INTS14: variants seen among roughly 807,000 people sequenced by gnomAD.
INTS14 encodes UPF0464 protein C15orf44.
INTS14 carries 27 observed loss-of-function variants against 56.9 expected under a neutral mutation model. The ratio of observed to expected loss-of-function variants is 0.47; its 90% CI spans 0.35 to 0.65. The LOEUF is 0.65. Ranked by LOEUF, INTS14 falls within the 30% of genes least tolerant of loss-of-function variation. INTS14 has a pLI of 0.00. For missense variants in INTS14, 517 were observed against 632.2 expected, an observed-to-expected ratio of 0.82 and a Z score of 1.95; for synonymous variants, 207 against 236.2, an observed-to-expected ratio of 0.88 and a Z score of 1.13.
chr15:65,589,052 G>T (rs16948863), intron 9 of INTS14, among the ~76,000 whole-genome samples: 7,349 of 152,298 alleles, frequency 0.048, 607 homozygotes, highest in African/African-American at 0.17. Context: ...AAGAACAATT[G>T]TAACAAGCCA....
rs2141235045 is a variant in INTS14 at position 65,579,167 on chromosome 15, G to C, written c.*241C>G. ...TTCTCAGGAAATGTGCCCATCATGG[G>C]AACAGCAGCTATCTTCCAAGCTTAA... On this transcript the variant is annotated 3_prime_UTR_variant, in exon 12 of 12. Transcript: ENST00000313182. 1 of 494,530 alleles carries C rather than the reference G, an allele frequency of 2.0e-6. No homozygotes were observed. Among genetic ancestry groups the C allele is most frequent in the East Asian group, 3.6e-5 (1 of 27,430 alleles). 30.6% of individuals were successfully genotyped at this position (494,530 alleles called of 1,614,324 possible). A position where few individuals can be genotyped will look rare whatever the true frequency, so the allele number is the denominator to read the frequency against.
chr15:65,600,034 A>AGCCC, intron 3 of INTS14, 105 bp from the exon 4 acceptor site: 1 of 1,269,154 alleles, frequency 7.9e-7, no homozygotes. Flanking sequence ...AGGGCTGGCT[A>AGCCC]TGGTGGCTCA....
At chr15:65,589,691 TG>T (rs975146985) in intron 9 of INTS14, among the ~76,000 whole-genome samples, 4 of 152,206 alleles carry the variant, frequency 2.6e-5, no homozygotes, top group African/African-American at 9.7e-5. Context: ...TGTACTTCTA[TG>T]AGCTCATTTT....
At chr15:65,594,171 G>A (rs1477942175) in intron 7 of INTS14, among the ~76,000 whole-genome samples, 1 of 152,118 alleles carries the variant, frequency 6.6e-6, no homozygotes, top group Non-Finnish European at 1.5e-5. Context: ...AGTCCCCAAA[G>A]GTAAACAATG....
chr15:65,598,279 G>A (rs747746982), intron 6 of INTS14, 42 bp downstream of exon 6: 3 of 1,575,090 alleles, frequency 1.9e-6, no homozygotes, highest in East Asian at 4.5e-5. Context: ...AGAAAGTAAG[G>A]ATAACAGAGA....
chr15:65,606,614 T>C (rs1566933457), intron 2 of INTS14, among the ~76,000 whole-genome samples: 1 of 152,136 alleles, frequency 6.6e-6, no homozygotes, highest in Non-Finnish European at 1.5e-5. Context: ...CTGCTGGAAA[T>C]ATTATGAATA....
intron 4 of INTS14, 147 bp downstream of exon 4, chr15:65,599,627 C>G: frequency 2.3e-6 from 2 of 887,056 alleles, no homozygotes; most frequent in Non-Finnish European, 3.2e-6. Flanking sequence ...GACCCAGAAT[C>G]TTTTCAAATA....
Position 65,599,854 on chromosome 15 carries a change from G to A in INTS14, c.406C>T (p.Arg136Ter), listed in dbSNP as rs751078718. Residue 136 changes from arginine (R) to a stop codon, truncating the protein, a stop_gained, in exon 4 of 12, where the codon CGA (arginine) becomes TGA (stop). Transcript: ENST00000313182. LOFTEE classifies it high-confidence loss of function. ...AGTGGAAACCTGTTGCTCTCACTTC[G>A]TTGATTTTGAGTGGCTAGGGAATGT... ...LRHSLATQNQ[R>*]SESNRFPLPF... is the part of the protein sequence containing the mutation. The A allele has an allele frequency of 6.2e-7, 1 of 1,614,122 alleles. No individual in the cohort carries two copies. Among genetic ancestry groups the A allele is most frequent in the Non-Finnish European group, 8.5e-7 (1 of 1,179,988 alleles).
chr15:65,587,056 G>A (rs1167849853), intron 9 of INTS14: 1 of 152,166 alleles, frequency 6.6e-6, no homozygotes, highest in African/African-American at 2.4e-5. Flanking sequence ...CTGGACTCCA[G>A]AAGAGACAAC....
chr15:65,583,834 T>C (rs2072719413), intron 10 of INTS14, among the ~76,000 whole-genome samples: 1 of 152,204 alleles, frequency 6.6e-6, no homozygotes, highest in South Asian at 2.1e-4. Context: ...GGGTCAGGGA[T>C]ATCAGGAAAA....
At chr15:65,591,889 A>T (rs2073047033) in intron 8 of INTS14, among the ~76,000 whole-genome samples, 158 bp from the exon 9 acceptor site, 1 of 152,264 alleles carries the variant, frequency 6.6e-6, no homozygotes. Flanking sequence ...CTGAAAATGC[A>T]TACTGCTGTC....
At chr15:65,587,470 G>A (rs1446311752) in intron 9 of INTS14, among the ~76,000 whole-genome samples, 1 of 152,114 alleles carries the variant, frequency 6.6e-6, no homozygotes, top group Non-Finnish European at 1.5e-5. Flanking sequence ...ACAAAAAGTT[G>A]CAAAACAAAG....
At chr15:65,598,581 C>A (rs2073304776) in intron 5 of INTS14, 118 bp from the exon 6 acceptor site, 1 of 1,076,894 alleles carries the variant, frequency 9.3e-7, no homozygotes. Context: ...ATCTGACCAT[C>A]TGTAAAACAG....
At chr15:65,605,313 A>G in intron 2 of INTS14, 77 bp from the exon 3 acceptor site, 1 of 1,146,070 alleles carries the variant, frequency 8.7e-7, no homozygotes, top group Non-Finnish European at 1.3e-6. Context: ...AAATTGTTCA[A>G]AGTATGAATG....
At position 65,596,631 on chromosome 15, in the gene INTS14, C is replaced by T. The variant is rs1017151458; in HGVS notation, c.749-806G>A. Among the ~76,000 whole-genome samples the T allele has an allele frequency of 8.5e-5, 13 of 152,168 alleles. No homozygotes were observed. In the East Asian group the frequency reaches 1.5e-3, roughly 18 times the overall value. Reference sequence around the variant, plus strand: ...TGTTGCCCAGGCTGGAGTGCAATGGCGCAATCTCAGCTAACTGCAACCTCC... The same window carrying T: ...TGTTGCCCAGGCTGGAGTGCAATGGTGCAATCTCAGCTAACTGCAACCTCC... On this transcript the variant is annotated intron_variant, in intron 6 of 11. Coordinates refer to ENST00000313182, the MANE Select transcript of INTS14 (RefSeq NM_001394796.1).
chr15:65,598,930 C>G lies in INTS14; in HGVS notation c.547G>C (p.Gly183Arg). The G allele has an allele frequency of 6.2e-7, 1 of 1,614,022 alleles. No homozygotes were observed. The highest frequency in any genetic ancestry group is 8.5e-7 in the Non-Finnish European group (1 of 1,179,956). ...GGGCCATCAATAGTAAAAATCTGCC[C>G]TTCACCATTGTTTAAATCTATGAGA... Reference protein sequence around the residue: ...ERLIDLNNGEGQIFTIDGPLC... With the variant: ...ERLIDLNNGERQIFTIDGPLC... The change falls in exon 5 of 12, where the codon GGG (glycine) becomes CGG (arginine). Residue 183 changes from glycine to arginine, a missense_variant. By Grantham distance (125) the Gly-to-Arg change is moderately radical. Coordinates refer to ENST00000313182, the MANE Select transcript of INTS14 (RefSeq NM_001394796.1).
rs1196283586 is a variant in INTS14 at position 65,611,105 on chromosome 15, C to G, written c.-70G>C. On this transcript the variant is annotated 5_prime_UTR_variant, in exon 1 of 12. Coordinates refer to ENST00000313182, the MANE Select transcript of INTS14 (RefSeq NM_001394796.1). Reference sequence around the variant, plus strand: ...CTCGGCCTCCCCACTCACCCCGTGCCCATCGCCGGACACAGTCCGTCGGCA... The same window carrying G: ...CTCGGCCTCCCCACTCACCCCGTGCGCATCGCCGGACACAGTCCGTCGGCA... 61 of 1,535,666 alleles carry G rather than the reference C, an allele frequency of 4.0e-5. No individual in the cohort carries two copies. Among genetic ancestry groups the G allele is most frequent in the Middle Eastern group, 1.7e-4 (1 of 6,006 alleles).
intron 1 of INTS14, chr15:65,610,680 C>T (rs950566278): frequency 2.0e-6 from 3 of 1,535,674 alleles, no homozygotes; most frequent in Admixed American, 2.0e-5. Flanking sequence ...ATTTCTAGTG[C>T]CTCACCTGCT....
At chr15:65,597,741 T>C (rs1286162418) in intron 6 of INTS14, among the ~76,000 whole-genome samples, 1 of 152,242 alleles carries the variant, frequency 6.6e-6, no homozygotes, top group African/African-American at 2.4e-5. Context: ...CCTTCTTATA[T>C]GACCTTAATT....
Sources: allele counts gnomAD v4.1 joint callset (sites outside exome capture counted in the v4.1 genomes callset), GRCh38; gene constraint gnomAD v4.1.1; transcripts MANE v1.5; gene names NCBI Gene and HGNC (gene_info 2026-07-23, HGNC 2026-07-21).